SOX9: variants seen among roughly 807,000 people sequenced by gnomAD.
SOX9 encodes the protein transcription factor SOX-9.
A neutral mutation model predicts 44.8 loss-of-function variants in SOX9; 2 were observed. The ratio of observed to expected loss-of-function variants is 0.04; its 90% CI spans 0.02 to 0.14. The LOEUF is 0.14. Ranked by LOEUF, SOX9 falls within the 10% of genes least tolerant of loss-of-function variation. SOX9 has a pLI of 1.00. For missense variants in SOX9, 583 were observed against 728.6 expected (o/e 0.80, Z 2.30); for synonymous variants, 381 against 331.8 (o/e 1.15, Z -1.61).
rs1368180768 is a variant in SOX9 at position 72,121,582 on chromosome 17, G to C, written c.191G>C (p.Ser64Thr). 1 of 1,607,732 alleles carries C rather than the reference G, an allele frequency of 6.2e-7. No individual in the cohort carries two copies. Among genetic ancestry groups the C allele is most frequent in the East Asian group, 2.2e-5 (1 of 44,558 alleles). Residue 64 changes from serine to threonine, a missense_variant, in exon 1 of 3, where the codon AGC (serine) becomes ACC (threonine). This residue lies in a region of SOX9 where 101 missense variants were observed against 98.6 expected (regional missense o/e 1.02). Coordinates refer to ENST00000245479, the MANE Select transcript of SOX9 (RefSeq NM_000346.4). This position sits in a 1 kb window ranked among gnomAD's most constrained non-coding sequence, Gnocchi z 8.3. ...GGCGAGCCCGATCTGAAGAAGGAGA[G>C]CGAGGAGGACAAGTTCCCCGTGTGC... ...PKGEPDLKKE[S>T]EEDKFPVCIR...
At position 72,124,509 on chromosome 17, in the gene SOX9, T is replaced by A. The variant is rs1908223068; in HGVS notation, c.*122T>A. On this transcript the variant is annotated 3_prime_UTR_variant, in exon 3 of 3. Transcript: ENST00000245479. This position sits in a 1 kb window ranked among gnomAD's most constrained non-coding sequence, Gnocchi z 4.6. ...TTTTTGTTTTTTTATTTTGTTTTGT[T>A]TTTTCTTCTTCTTCTTCTTCCTTAA... The A allele has an allele frequency of 8.0e-7, 1 of 1,250,892 alleles. No individual in the cohort carries two copies. Among genetic ancestry groups the A allele is most frequent in the African/African-American group, 1.5e-5 (1 of 67,736 alleles). The allele number at this position is 1,250,892 out of a possible 1,614,324, so 77.5% of individuals were successfully genotyped here.
At position 72,121,259 on chromosome 17, in the gene SOX9, C is replaced by G. The variant is rs762915468; in HGVS notation, c.-133C>G. On this transcript the variant is annotated 5_prime_UTR_variant, in exon 1 of 3. Transcript: ENST00000245479. This position sits in a 1 kb window ranked among gnomAD's most constrained non-coding sequence, Gnocchi z 8.3. ...AGTGCTCGCCGCGGTAGCCGGCCGA[C>G]GCGCCAGCTTCCCCGGGAGCCGCTT... 3.7e-6 allele frequency: 3 copies of G among 801,900 alleles called. No individual in the cohort carries two copies. In the East Asian group the frequency reaches 8.1e-5, roughly 22 times the overall value. 49.7% of individuals were successfully genotyped at this position (801,900 alleles called of 1,614,324 possible).
rs2143249876 is a variant in SOX9 at position 72,123,520 on chromosome 17, G to T, written c.686-23G>T. The T allele has an allele frequency of 6.2e-7, 1 of 1,614,052 alleles. No homozygotes were observed. Among genetic ancestry groups the T allele is most frequent in the Non-Finnish European group, 8.5e-7 (1 of 1,180,000 alleles). On this transcript the variant is annotated intron_variant, in intron 2 of 2. Coordinates refer to ENST00000245479, the MANE Select transcript of SOX9 (RefSeq NM_000346.4). The surrounding 1 kb of genome is among the most constrained non-coding windows in gnomAD (Gnocchi z 6.5). ...GCACAGCCCTTGTTGATTTTCTCGT[G>T]CTTGTTCTTTTATTGTCCACAGGGC...
rs1908221237 is a variant in SOX9 at position 72,124,460 on chromosome 17, G to A, written c.*73G>A. 3 of 1,522,396 alleles carry A rather than the reference G, an allele frequency of 2.0e-6. No individual in the cohort carries two copies. The highest frequency in any genetic ancestry group is 2.7e-6 in the Non-Finnish European group (3 of 1,109,652). 94.3% of individuals were successfully genotyped at this position (1,522,396 alleles called of 1,614,324 possible). On this transcript the variant is annotated 3_prime_UTR_variant, in exon 3 of 3. Coordinates refer to ENST00000245479, the MANE Select transcript of SOX9 (RefSeq NM_000346.4). The surrounding 1 kb of genome is among the most constrained non-coding windows in gnomAD (Gnocchi z 4.6). ...AACCGAAGAAAGAGAGGACCAACCA[G>A]AATTCCCTTTGGACATTTGTGTTTT...
intron 1 of SOX9, 96 bp from the exon 2 acceptor site, chr17:72,122,623 G>C (rs1161861122): frequency 8.2e-7 from 1 of 1,218,956 alleles, no homozygotes; most frequent in African/African-American, 1.5e-5. Context: ...CGAGTGGTCT[G>C]GGTCGCCGCC....
chr17:72,124,598 C>G lies in SOX9; in HGVS notation c.*211C>G. ...AAGACACAAACATGACCTATCCAAG[C>G]GCATTACCCACTTGTGGCCAATCAG... On this transcript the variant is annotated 3_prime_UTR_variant, in exon 3 of 3. Coordinates refer to ENST00000245479, the MANE Select transcript of SOX9 (RefSeq NM_000346.4). The surrounding 1 kb of genome is among the most constrained non-coding windows in gnomAD (Gnocchi z 4.6). 1 of 656,968 alleles carries G rather than the reference C, an allele frequency of 1.5e-6. No individual in the cohort carries two copies. Among genetic ancestry groups the G allele is most frequent in the Non-Finnish European group, 2.7e-6 (1 of 377,180 alleles). 40.7% of individuals were successfully genotyped at this position (656,968 alleles called of 1,614,324 possible). A position where few individuals can be genotyped will look rare whatever the true frequency, so the allele number is the denominator to read the frequency against.
rs2143263192 is a variant in SOX9, at chr17:72,125,617, G to A, written c.*1230G>A. On this transcript the variant is annotated 3_prime_UTR_variant, in exon 3 of 3. Transcript: ENST00000245479. The stretch of plus-strand genomic sequence containing the variant: ...TAGGTTGTTGGAGCTTTCCTCAAAG[G>A]GTATGGTCATCTGTTGTTAAATTAT... The A allele has an allele frequency of 4.4e-6, 1 of 226,558 alleles. No homozygotes were observed. Among genetic ancestry groups the A allele is most frequent in the South Asian group, 1.9e-4 (1 of 5,390 alleles). The allele number at this position is 226,558 out of a possible 1,614,324, so 14.0% of individuals were successfully genotyped here.
In SOX9 at chr17:72,123,937, G is replaced by A. The variant is rs1303308937; in HGVS notation, c.1080G>A (p.Pro360=). The A allele has an allele frequency of 1.5e-5, 19 of 1,309,136 alleles. No individual in the cohort carries two copies. Among genetic ancestry groups the A allele is most frequent in the Non-Finnish European group, 1.7e-5 (18 of 1,036,548 alleles). The allele number at this position is 1,309,136 out of a possible 1,614,324, so 81.1% of individuals were successfully genotyped here. The part of the protein sequence containing the change: ...PQAPPAPQAP[P]QPQAAPPQQP... ...CCCCGCCGGCCCCGCAGGCGCCCCC[G>A]CAGCCGCAGGCGGCGCCCCCACAGC... Residue 360 remains proline (P), a synonymous_variant, in exon 3 of 3, where the codon CCG becomes CCA. Coordinates refer to ENST00000245479, the MANE Select transcript of SOX9 (RefSeq NM_000346.4). This position sits in a 1 kb window ranked among gnomAD's most constrained non-coding sequence, Gnocchi z 6.5.
In SOX9 at chr17:72,125,668, TTA is replaced by T; in HGVS notation, c.*1283_*1284del. The T allele has an allele frequency of 4.4e-6, 1 of 228,450 alleles. No individual in the cohort carries two copies. The highest frequency in any genetic ancestry group is 8.7e-6 in the Non-Finnish European group (1 of 114,876). The allele number at this position is 228,450 out of a possible 1,614,324, so 14.2% of individuals were successfully genotyped here. On this transcript the variant is annotated 3_prime_UTR_variant, in exon 3 of 3. Transcript: ENST00000245479. ...GTTCTTAACTGTAACCAGTTTTTTTTTATTTATCTCTTTAATCTTTTTTTATT... is the reference window on the plus strand; with the variant it reads ...GTTCTTAACTGTAACCAGTTTTTTTTTTTATCTCTTTAATCTTTTTTTATT...
In SOX9 at chr17:72,123,882, C is replaced by G. The variant is rs1182134893; in HGVS notation, c.1025C>G (p.Pro342Arg). 1 of 1,501,494 alleles carries G rather than the reference C, an allele frequency of 6.7e-7. No homozygotes were observed. Among genetic ancestry groups the G allele is most frequent in the Non-Finnish European group, 8.9e-7 (1 of 1,126,710 alleles). The allele number at this position is 1,501,494 out of a possible 1,614,324, so 93.0% of individuals were successfully genotyped here. Residue 342 changes from proline (P) to arginine (R), a missense_variant, in exon 3 of 3, where the codon CCG (proline) becomes CGG (arginine). Pro to Arg is a moderately radical substitution (Grantham distance 103). Coordinates refer to ENST00000245479, the MANE Select transcript of SOX9 (RefSeq NM_000346.4). This position sits in a 1 kb window ranked among gnomAD's most constrained non-coding sequence, Gnocchi z 6.5. ...GTGTGGATGTCCAAGCAGCAGGCGC[C>G]GCCGCCACCCCCGCAGCAGCCCCCA... ...GHVWMSKQQA[P>R]PPPPQQPPQA...
Position 72,124,420 on chromosome 17 carries a change from G to A in SOX9, c.*33G>A, listed in dbSNP as rs182589071. ...TCCCACGAAGGGCGAAGATGGCCGA[G>A]ATGATCCTAAAAATAACCGAAGAAA... On this transcript the variant is annotated 3_prime_UTR_variant, in exon 3 of 3. Transcript: ENST00000245479. The surrounding 1 kb of genome is among the most constrained non-coding windows in gnomAD (Gnocchi z 4.6). The A allele has an allele frequency of 1.2e-4, 184 of 1,598,790 alleles. No homozygotes were observed. In the African/African-American group the frequency reaches 1.9e-3, roughly 17 times the overall value.
In SOX9 at chr17:72,125,910, G is replaced by GGTGT. The variant is rs1238412207; in HGVS notation, c.*1532_*1535dup. On this transcript the variant is annotated 3_prime_UTR_variant, in exon 3 of 3. Coordinates refer to ENST00000245479, the MANE Select transcript of SOX9 (RefSeq NM_000346.4). ...CTGCCTTATATTGTGTGTGTGTGTGGGTGTGTGTGTGTTTTGACACAAAAA... is the reference window on the plus strand; with the variant it reads ...CTGCCTTATATTGTGTGTGTGTGTGGGTGTGTGTGTGTGTGTTTTGACACAAAAA... The GGTGT allele has an allele frequency of 4.4e-6, 1 of 227,874 alleles. No individual in the cohort carries two copies. The highest frequency in any genetic ancestry group is 2.2e-5 in the African/African-American group (1 of 44,886). 14.1% of individuals were successfully genotyped at this position (227,874 alleles called of 1,614,324 possible). A position where few individuals can be genotyped will look rare whatever the true frequency, so the allele number is the denominator to read the frequency against.
In SOX9 at chr17:72,122,913, C is replaced by G. The variant is rs1403504655; in HGVS notation, c.626C>G (p.Ala209Gly). ...AACGCCATCTTCAAGGCGCTGCAGG[C>G]CGACTCGCCACACTCCTCCTCCGGC... ...SPNAIFKALQADSPHSSSGMS... is the reference protein window; with the variant it reads ...SPNAIFKALQGDSPHSSSGMS... Residue 209 changes from alanine (A) to glycine (G), a missense_variant, in exon 2 of 3, where the codon GCC becomes GGC. Ala to Gly is a moderately conservative substitution (Grantham distance 60, BLOSUM62 0). Around this residue, in one of 7 missense-constraint regions of SOX9, gnomAD observed 88 missense variants for 65.5 expected, o/e 1.34. Transcript: ENST00000245479. The G allele has an allele frequency of 6.2e-7, 1 of 1,614,130 alleles. No homozygotes were observed. The highest frequency in any genetic ancestry group is 8.5e-7 in the Non-Finnish European group (1 of 1,180,012).
In SOX9 at chr17:72,121,401, C is replaced by G; in HGVS notation, c.10C>G (p.Leu4Val). Reference sequence around the variant, plus strand: ...TGCCCCGGGCCCGCGTATGAATCTCCTGGACCCCTTCATGAAGATGACCGA... The same window carrying G: ...TGCCCCGGGCCCGCGTATGAATCTCGTGGACCCCTTCATGAAGATGACCGA... MNL[L>V]DPFMKMTDEQ... The change falls in exon 1 of 3, where the codon CTG becomes GTG. Residue 4 changes from leucine to valine, a missense_variant. This residue lies in a region of SOX9 where 101 missense variants were observed against 98.6 expected (regional missense o/e 1.02). Coordinates refer to ENST00000245479, the MANE Select transcript of SOX9 (RefSeq NM_000346.4). The surrounding 1 kb of genome is among the most constrained non-coding windows in gnomAD (Gnocchi z 8.3). 6.2e-7 allele frequency: 1 copy of G among 1,612,592 alleles called. No individual in the cohort carries two copies. Among genetic ancestry groups the G allele is most frequent in the African/African-American group, 1.3e-5 (1 of 75,048 alleles).
In SOX9 at chr17:72,124,889, A is replaced by T. The variant is rs528363959; in HGVS notation, c.*502A>T. ...TTTGAGGGGATTTATACATATTTTTAGATAAAATTAAATGCTCTTATTTTT... is the reference window on the plus strand; with the variant it reads ...TTTGAGGGGATTTATACATATTTTTTGATAAAATTAAATGCTCTTATTTTT... On this transcript the variant is annotated 3_prime_UTR_variant, in exon 3 of 3. Transcript: ENST00000245479. The surrounding 1 kb of genome is among the most constrained non-coding windows in gnomAD (Gnocchi z 4.6). 2.9e-5 allele frequency: 7 copies of T among 241,238 alleles called. No homozygotes were observed. Among genetic ancestry groups the T allele is most frequent in the Non-Finnish European group, 5.8e-5 (7 of 121,086 alleles). The allele number at this position is 241,238 out of a possible 1,614,324, so 14.9% of individuals were successfully genotyped here. A position where few individuals can be genotyped will look rare whatever the true frequency, so the allele number is the denominator to read the frequency against.
rs1033320617 is a variant in SOX9, at chr17:72,122,716, C to A, written c.432-3C>A. On this transcript the variant is annotated splice_region_variant and splice_polypyrimidine_tract_variant and intron_variant, in intron 1 of 2. Coordinates refer to ENST00000245479, the MANE Select transcript of SOX9 (RefSeq NM_000346.4). ...TCTGTGCCCCCCGCCCCGCCCCGAG[C>A]AGACTTCTGAACGAGAGCGAGAAGC... 4 of 1,613,872 alleles carry A rather than the reference C, an allele frequency of 2.5e-6. No individual in the cohort carries two copies. In the African/African-American group the frequency reaches 5.3e-5, roughly 22 times the overall value.
rs1350094079 is a variant in SOX9, at chr17:72,125,331, G to A, written c.*944G>A. ...TGCAGTCTTAAGAAAGAGGTAAAAGGCAAGCAAAGGAGATGAAATCTGTTC... is the reference window on the plus strand; with the variant it reads ...TGCAGTCTTAAGAAAGAGGTAAAAGACAAGCAAAGGAGATGAAATCTGTTC... On this transcript the variant is annotated 3_prime_UTR_variant, in exon 3 of 3. Transcript: ENST00000245479. The A allele has an allele frequency of 2.6e-5, 6 of 227,806 alleles. No individual in the cohort carries two copies. Among genetic ancestry groups the A allele is most frequent in the Non-Finnish European group, 5.2e-5 (6 of 114,662 alleles). The allele number at this position is 227,806 out of a possible 1,614,324, so 14.1% of individuals were successfully genotyped here. A position where few individuals can be genotyped will look rare whatever the true frequency, so the allele number is the denominator to read the frequency against.
In SOX9 at chr17:72,124,578, A is replaced by G; in HGVS notation, c.*191A>G. 1 of 731,962 alleles carries G rather than the reference A, an allele frequency of 1.4e-6. No homozygotes were observed. The highest frequency in any genetic ancestry group is 2.3e-6 in the Non-Finnish European group (1 of 434,782). The allele number at this position is 731,962 out of a possible 1,614,324, so 45.3% of individuals were successfully genotyped here. On this transcript the variant is annotated 3_prime_UTR_variant, in exon 3 of 3. Transcript: ENST00000245479. The surrounding 1 kb of genome is among the most constrained non-coding windows in gnomAD (Gnocchi z 4.6). ...CAACTCGTACCCAAATTTCCAAGACACAAACATGACCTATCCAAGCGCATT... is the reference window on the plus strand; with the variant it reads ...CAACTCGTACCCAAATTTCCAAGACGCAAACATGACCTATCCAAGCGCATT...
rs1232479837 is a variant in SOX9, at chr17:72,121,694, C to A, written c.303C>A (p.Asn101Lys). The A allele has an allele frequency of 6.2e-7, 1 of 1,603,876 alleles. No homozygotes were observed. The highest frequency in any genetic ancestry group is 8.5e-7 in the Non-Finnish European group (1 of 1,175,808). ...MPVRVNGSSK[N>K]KPHVKRPMNA... ...TGCGCGTCAACGGCTCCAGCAAGAA[C>A]AAGCCGCACGTCAAGCGGCCCATGA... Residue 101 changes from asparagine (N) to lysine (K), a missense_variant, in exon 1 of 3, where the codon AAC (asparagine) becomes AAA (lysine). Transcript: ENST00000245479. The surrounding 1 kb of genome is among the most constrained non-coding windows in gnomAD (Gnocchi z 8.3).
Sources: gnomAD v4.1 joint callset for allele counts on GRCh38, gnomAD v4.1.1 for gene constraint, gnomAD v4.1.1 regional missense constraint, Gnocchi (gnomAD v3.1) non-coding constraint, MANE v1.5 for transcripts, NCBI Gene and HGNC (gene_info 2026-07-23, HGNC 2026-07-21) for gene names.